ADAMTS5: variants seen among roughly 807,000 people sequenced by gnomAD.
ADAMTS5 encodes A disintegrin and metalloproteinase with thrombospondin motifs 5.
In ADAMTS5, 54 loss-of-function variants were observed where a neutral mutation model predicts 81.4. The ratio of observed to expected loss-of-function variants is 0.66; its 90% CI spans 0.53 to 0.83. The LOEUF (loss-of-function observed/expected upper bound fraction) is 0.83, where lower values mean the gene tolerates loss of function less well. ADAMTS5 is among the 40% of genes least tolerant of loss of function. The probability of loss-of-function intolerance (pLI) is 0.00; values close to 1 mark genes in which losing one functional copy is unlikely to be tolerated. For missense variants in ADAMTS5, 1,194 were observed against 1,229.9 expected (o/e 0.97, Z 0.44); for synonymous variants, 532 against 508.8 (o/e 1.05, Z -0.61).
chr21:26,953,046 T>A (rs986429780), intron 2 of ADAMTS5, among the ~76,000 whole-genome samples: 1 of 152,224 alleles, frequency 6.6e-6, no homozygotes, highest in African/African-American at 2.4e-5. Context: ...TCAGTAAGGA[T>A]TAATAGGCAT....
chr21:26,919,861 A>C lies in ADAMTS5; in HGVS notation c.*4192T>G, dbSNP rs1986657155. The C allele has an allele frequency of 6.6e-6, 1 of 152,072 alleles. No homozygotes were observed. The highest frequency in any genetic ancestry group is 1.5e-5 in the Non-Finnish European group (1 of 67,978). 9.4% of individuals were successfully genotyped at this position (152,072 alleles called of 1,614,324 possible). On this transcript the variant is annotated 3_prime_UTR_variant, in exon 8 of 8. Coordinates refer to ENST00000284987, the MANE Select transcript of ADAMTS5 (RefSeq NM_007038.5). ...GCAAATGAGAAAAATAATAGGGAAA[A>C]CATACAAGTTCCTTTTCTGTGTGTC...
Position 26,943,361 on chromosome 21 carries a change from T to C in ADAMTS5, c.1405+19A>G. ...CCAAATTTTGTTTCTCAGTCTGTGT[T>C]CTCCTAAATGATACATACCATGGCC... is the stretch of plus-strand genomic sequence containing the variant. On this transcript the variant is annotated intron_variant, in intron 3 of 7. Transcript: ENST00000284987. 6.3e-7 allele frequency: 1 copy of C among 1,597,642 alleles called. No homozygotes were observed. Among genetic ancestry groups the C allele is most frequent in the Non-Finnish European group, 8.5e-7 (1 of 1,173,070 alleles).
intron 3 of ADAMTS5, among the ~76,000 whole-genome samples, chr21:26,940,521 A>G (rs924255031): frequency 1.3e-5 from 2 of 152,176 alleles, no homozygotes; most frequent in Non-Finnish European, 1.5e-5. Flanking sequence ...TTATTGTTAA[A>G]TAATATCATT....
rs889967906 is a variant in ADAMTS5 at position 26,927,360 on chromosome 21, G to A, written c.2225+2526C>T. On this transcript the variant is annotated intron_variant, in intron 7 of 7. Coordinates refer to ENST00000284987, the MANE Select transcript of ADAMTS5 (RefSeq NM_007038.5). ...GGTAAGAAGTTGCACAGTAGTGGTG[G>A]GAGTGGAGGAGATGTCCTCTTGTAC... Among the ~76,000 whole-genome samples the A allele has an allele frequency of 9.2e-5, 14 of 152,174 alleles. 1 individual carries two copies. The highest frequency in any genetic ancestry group is 8.8e-5 in the Non-Finnish European group (6 of 68,030).
At position 26,924,403 on chromosome 21, in the gene ADAMTS5, C is replaced by A; in HGVS notation, c.2443G>T (p.Asp815Tyr). ...VMNYSGWSHR[D>Y]DFLHGMGYSA... ...TAGCCCATGCCATGCAGGAAGTCAT[C>A]CCTGTGGCTCCAACCGCTATAGTTC... is the stretch of plus-strand genomic sequence containing the variant. Residue 815 changes from aspartate (D) to tyrosine (Y), a missense_variant, in exon 8 of 8, where the codon GAT becomes TAT. Transcript: ENST00000284987. 6.2e-7 allele frequency: 1 copy of A among 1,614,076 alleles called. No individual in the cohort carries two copies. Among genetic ancestry groups the A allele is most frequent in the Non-Finnish European group, 8.5e-7 (1 of 1,179,918 alleles).
At chr21:26,935,099 G>A (rs1568842290) in intron 3 of ADAMTS5, among the ~76,000 whole-genome samples, 1 of 152,040 alleles carries the variant, frequency 6.6e-6, no homozygotes, top group African/African-American at 2.4e-5. Flanking sequence ...AAAATCAGAT[G>A]GTGAATTTTA....
At chr21:26,956,568 C>T (rs563994435) in intron 1 of ADAMTS5, among the ~76,000 whole-genome samples, 1 of 152,280 alleles carries the variant, frequency 6.6e-6, no homozygotes, top group East Asian at 1.9e-4. Context: ...TTTTAAGCCC[C>T]TCCCCCACAA....
At chr21:26,943,660 T>G in intron 2 of ADAMTS5, 113 bp from the exon 3 acceptor site, 1 of 951,528 alleles carries the variant, frequency 1.1e-6, no homozygotes, top group Non-Finnish European at 1.5e-6. Context: ...TGAGTTCACT[T>G]TAACTGCTTT....
chr21:26,934,854 C>T (rs162495), intron 3 of ADAMTS5, 105 bp from the exon 4 acceptor site: 873,926 of 1,421,712 alleles, frequency 0.61, 273,151 homozygotes, highest in South Asian at 0.67. Context: ...GAGCACGAGG[C>T]ACCCATGAAT....
chr21:26,932,746 GTGGAACTGTGCAGTATAAGAT>G, intron 5 of ADAMTS5, 94 bp downstream of exon 5: 1 of 1,157,496 alleles, frequency 8.6e-7, no homozygotes, highest in Non-Finnish European at 1.2e-6. Flanking sequence ...CTGCATATTG[GTGGAACTGTGCAGTATAAGAT>G]TAATATTATT....
In ADAMTS5 at chr21:26,932,912, C is replaced by G; in HGVS notation, c.1822G>C (p.Gly608Arg). The G allele has an allele frequency of 6.2e-7, 1 of 1,613,802 alleles. No homozygotes were observed. ...APRNNGRYCT[G>R]KRAIYRSCSL... The stretch of plus-strand genomic sequence containing the variant: ...CAGGAGCGGTAGATGGCCCTCTTCC[C>G]TGTGCAGTAGCGTCCGTTGTTTCTG... Residue 608 changes from glycine to arginine, a missense_variant, in exon 5 of 8, where the codon GGG (glycine) becomes CGG (arginine). Around this residue, in one of 2 missense-constraint regions of ADAMTS5, gnomAD observed 696 missense variants for 817.6 expected, o/e 0.85. Coordinates refer to ENST00000284987, the MANE Select transcript of ADAMTS5 (RefSeq NM_007038.5).
At position 26,923,961 on chromosome 21, in the gene ADAMTS5, C is replaced by T. The variant is rs1986749749; in HGVS notation, c.*92G>A. ...TGTTGACAATGTCACTGAAGCATGA[C>T]TTTCTGTGCGTTAGGTAGACCTCCT... On this transcript the variant is annotated 3_prime_UTR_variant, in exon 8 of 8. Transcript: ENST00000284987. 1.5e-6 allele frequency: 2 copies of T among 1,326,020 alleles called. No individual in the cohort carries two copies. Among genetic ancestry groups the T allele is most frequent in the African/African-American group, 2.9e-5 (2 of 68,118 alleles). The allele number at this position is 1,326,020 out of a possible 1,614,324, so 82.1% of individuals were successfully genotyped here. A position where few individuals can be genotyped will look rare whatever the true frequency, so the allele number is the denominator to read the frequency against.
At chr21:26,938,521 AGTT>A in intron 3 of ADAMTS5, among the ~76,000 whole-genome samples, 1 of 151,866 alleles carries the variant, frequency 6.6e-6, no homozygotes, top group East Asian at 1.9e-4. Context: ...GATTAACCAA[AGTT>A]GTTTTTTTGT....
At chr21:26,932,297 G>T in intron 5 of ADAMTS5, 118 bp from the exon 6 acceptor site, 3 of 1,031,780 alleles carry the variant, frequency 2.9e-6, no homozygotes, top group South Asian at 1.8e-5. Flanking sequence ...TTATCCCACA[G>T]TCTCTTTACT....
chr21:26,959,341 C>A (rs994173175), intron 1 of ADAMTS5, among the ~76,000 whole-genome samples: 4 of 152,124 alleles, frequency 2.6e-5, no homozygotes, highest in African/African-American at 9.7e-5. Flanking sequence ...TTTGTTCCAG[C>A]TACACATGTC....
chr21:26,941,698 T>C (rs189138106), intron 3 of ADAMTS5, among the ~76,000 whole-genome samples: 1 of 152,252 alleles, frequency 6.6e-6, no homozygotes, highest in Non-Finnish European at 1.5e-5. Context: ...CTCAACTTCT[T>C]GGAATGTGTA....
chr21:26,943,231 T>C (rs1015156588), intron 3 of ADAMTS5, 149 bp downstream of exon 3: 4 of 792,296 alleles, frequency 5.0e-6, no homozygotes, highest in Non-Finnish European at 7.7e-6. Flanking sequence ...TACCCACATA[T>C]GATCAATTTT....
At chr21:26,957,176 TCAA>T (rs1318766710) in intron 1 of ADAMTS5, among the ~76,000 whole-genome samples, 2 of 152,214 alleles carry the variant, frequency 1.3e-5, no homozygotes, top group African/African-American at 4.8e-5. Flanking sequence ...CTAATGTGCG[TCAA>T]ATTGTTAAGA....
At chr21:26,924,687 A>T in intron 7 of ADAMTS5, 67 bp from the exon 8 acceptor site, 1 of 1,251,262 alleles carries the variant, frequency 8.0e-7, no homozygotes, top group South Asian at 1.4e-5. Flanking sequence ...AAAATGAGTA[A>T]ACACTTAACA....
Sources: allele counts gnomAD v4.1 joint callset (sites outside exome capture counted in the v4.1 genomes callset), GRCh38; gene constraint gnomAD v4.1.1; regional missense constraint gnomAD v4.1.1; transcripts MANE v1.5; gene names NCBI Gene and HGNC (gene_info 2026-07-23, HGNC 2026-07-21).